SYN2: variants seen among roughly 807,000 people sequenced by gnomAD.
SYN2 encodes synapsin II, also known as synapsin-2.
Under a neutral mutation model 50.9 loss-of-function variants are expected in SYN2, and 19 were observed. That is an observed-to-expected ratio of 0.37 (90% confidence interval 0.26 to 0.55). The LOEUF (loss-of-function observed/expected upper bound fraction) is 0.55. Among genes scored for constraint, SYN2 ranks in the 20% least tolerant of loss-of-function variants. SYN2 has a pLI of 0.81. For missense variants in SYN2, 587 were observed against 576.4 expected (o/e 1.02, Z -0.19); for synonymous variants, 255 against 224.9 (o/e 1.13, Z -1.20).
intron 10 of SYN2, among the ~76,000 whole-genome samples, chr3:12,174,170 G>A (rs992672629): frequency 3.3e-5 from 5 of 151,954 alleles, no homozygotes; most frequent in Non-Finnish European, 7.4e-5. Flanking sequence ...ACATTTGTTG[G>A]TGGTCTTGGC....
At chr3:12,100,914 C>T (rs1375174609) in intron 1 of SYN2, among the ~76,000 whole-genome samples, 1 of 152,082 alleles carries the variant, frequency 6.6e-6, no homozygotes, top group African/African-American at 2.4e-5. Context: ...TGATGCAAAT[C>T]AAAACCACTA....
intron 10 of SYN2, among the ~76,000 whole-genome samples, chr3:12,171,374 TGAGA>T (rs1364079860): frequency 3.3e-5 from 5 of 152,214 alleles, no homozygotes; most frequent in Non-Finnish European, 7.3e-5. Context: ...CACTAGATTA[TGAGA>T]GAGAATCTGT....
Position 12,158,719 on chromosome 3 carries a change from A to G in SYN2, c.775-2827A>G, listed in dbSNP as rs199536325. On this transcript the variant is annotated intron_variant, in intron 5 of 12. Coordinates refer to ENST00000621198, the MANE Select transcript of SYN2 (RefSeq NM_133625.6). ...GGACTCACCAAGTGCCGAGTGGCAG[A>G]TGTGCTGCTGAGGGTGCGCCGGGGC... The G allele has an allele frequency of 2.1e-4, 344 of 1,610,184 alleles. No homozygotes were observed. Among genetic ancestry groups the G allele is most frequent in the Non-Finnish European group, 2.7e-4 (320 of 1,179,754 alleles).
intron 1 of SYN2, among the ~76,000 whole-genome samples, chr3:12,090,003 C>A (rs1368602816): frequency 6.6e-6 from 1 of 152,120 alleles, no homozygotes; most frequent in East Asian, 1.9e-4. Context: ...CACTAGGTAG[C>A]CCTGAAAGCA....
chr3:12,058,776 T>G (rs1311925759), intron 1 of SYN2, among the ~76,000 whole-genome samples: 5 of 152,240 alleles, frequency 3.3e-5, no homozygotes, highest in Non-Finnish European at 4.4e-5. Flanking sequence ...ATATCAGTGC[T>G]GAGAATGGCT....
At chr3:12,129,743 C>T (rs1483378971) in intron 1 of SYN2, among the ~76,000 whole-genome samples, 1 of 152,156 alleles carries the variant, frequency 6.6e-6, no homozygotes, top group African/African-American at 2.4e-5. Flanking sequence ...GGGCAGGTGT[C>T]TTCTGCTGGG....
At chr3:12,170,662 A>G (rs987336678) in intron 10 of SYN2, among the ~76,000 whole-genome samples, 8 of 152,256 alleles carry the variant, frequency 5.3e-5, no homozygotes, top group East Asian at 1.9e-4. Flanking sequence ...ACTTGGGACA[A>G]TGAATCAAAA....
chr3:12,042,585 A>AG (rs1694642061), intron 1 of SYN2, among the ~76,000 whole-genome samples: 1 of 152,212 alleles, frequency 6.6e-6, no homozygotes, highest in South Asian at 2.1e-4. Context: ...GATCTAAAGA[A>AG]GGAGGGTGTA....
intron 5 of SYN2, among the ~76,000 whole-genome samples, chr3:12,160,015 T>G (rs577987174): frequency 8.8e-5 from 11 of 125,332 alleles, no homozygotes; most frequent in Admixed American, 2.1e-4. Context: ...TGCACTCCAG[T>G]CTGGGCGACA....
rs565076205 is a variant in SYN2, at chr3:12,082,424, T to C, written c.378-58227T>C. Among the ~76,000 whole-genome samples the C allele has an allele frequency of 2.0e-5, 3 of 152,340 alleles. No individual in the cohort carries two copies. In the South Asian group the frequency reaches 6.2e-4, roughly 32 times the overall value. On this transcript the variant is annotated intron_variant, in intron 1 of 12. Coordinates refer to ENST00000621198, the MANE Select transcript of SYN2 (RefSeq NM_133625.6). ...CTCTTATGAGTCCTGAGAATTGTAT[T>C]ATCCCTCCTGAAATCCAAGTTCTCA...
chr3:12,026,744 A>G (rs1343566410), intron 1 of SYN2, among the ~76,000 whole-genome samples: 1 of 152,212 alleles, frequency 6.6e-6, no homozygotes, highest in Non-Finnish European at 1.5e-5. Context: ...CACTTTGTAA[A>G]GAGACTTGAA....
intron 7 of SYN2, among the ~76,000 whole-genome samples, chr3:12,163,769 G>T (rs772262242): frequency 5.9e-5 from 9 of 151,884 alleles, no homozygotes; most frequent in Non-Finnish European, 1.0e-4. Flanking sequence ...AATAATTTAG[G>T]ATTGCTTTAG....
chr3:12,135,127 A>AG (rs1200637699), intron 1 of SYN2, among the ~76,000 whole-genome samples: 1 of 152,208 alleles, frequency 6.6e-6, no homozygotes, highest in Non-Finnish European at 1.5e-5. Context: ...AAGCAGCTGG[A>AG]GGGATACCCC....
At chr3:12,102,434 A>G (rs1029920453) in intron 1 of SYN2, among the ~76,000 whole-genome samples, 1 of 152,182 alleles carries the variant, frequency 6.6e-6, no homozygotes, top group African/African-American at 2.4e-5. Flanking sequence ...TATGTGGGTA[A>G]ATGGTGACAA....
chr3:12,184,836 TA>T, intron 11 of SYN2: 1 of 985,820 alleles, frequency 1.0e-6, no homozygotes, highest in African/African-American at 1.7e-5. Flanking sequence ...CAGCCGCCTC[TA>T]ACAAACACCA....
chr3:12,154,255 A>C (rs1697387389), intron 5 of SYN2: 2 of 1,600,188 alleles, frequency 1.2e-6, no homozygotes, highest in Non-Finnish European at 1.7e-6. Flanking sequence ...TAAGTGAATA[A>C]ATTCATGCAT....
chr3:12,174,630 C>T (rs9851144), intron 10 of SYN2, among the ~76,000 whole-genome samples: 12,184 of 152,126 alleles, frequency 0.08, 860 homozygotes, highest in East Asian at 0.19. Context: ...TACAGGCACG[C>T]GCCACCACGC....
At chr3:12,058,099 A>T (rs1695034605) in intron 1 of SYN2, among the ~76,000 whole-genome samples, 2 of 152,182 alleles carry the variant, frequency 1.3e-5, no homozygotes, top group Non-Finnish European at 2.9e-5. Flanking sequence ...TCTTCACTTT[A>T]AGTTTCTTAC....
intron 5 of SYN2, among the ~76,000 whole-genome samples, chr3:12,160,114 A>G (rs939214947): frequency 2.6e-5 from 4 of 151,812 alleles, no homozygotes; most frequent in African/African-American, 9.7e-5. Flanking sequence ...GACTGTGACC[A>G]GAGCCTTGTC....
Sources: gnomAD v4.1 joint callset for allele counts (sites outside exome capture counted in the v4.1 genomes callset) on GRCh38, gnomAD v4.1.1 for gene constraint, MANE v1.5 for transcripts, NCBI Gene and HGNC (gene_info 2026-07-23, HGNC 2026-07-21) for gene names.